Variants in WDR6 observed in about 807,000 individuals in gnomAD.
WDR6 encodes the protein WD repeat domain 6.
In WDR6, 58 loss-of-function variants were observed where a neutral mutation model predicts 85.6. The observed-to-expected ratio is 0.68, with a 90% CI of 0.55 to 0.84. WDR6 has a LOEUF of 0.84. WDR6 is among the 40% of genes least tolerant of loss of function. The probability of loss-of-function intolerance (pLI) is 0.00; values close to 1 mark genes in which losing one functional copy is unlikely to be tolerated. For synonymous variants in WDR6, 569 were observed against 582.2 expected (o/e 0.98, Z 0.33); for missense variants, 1,310 against 1,476.4 (o/e 0.89, Z 1.85).
chr3:49,012,345 C>G lies in WDR6; in HGVS notation c.811C>G (p.Leu271Val), dbSNP rs1174577216. 1.9e-6 allele frequency: 3 copies of G among 1,614,104 alleles called. No homozygotes were observed. The African/African-American group carries it at 4.0e-5, about 22-fold the overall frequency. Reference sequence around the variant, plus strand: ...GCAGGTCAAGCTTCTAGAGAATTACCTTATCAGTGCAGGAGAGGATTGTGT... The same window carrying G: ...GCAGGTCAAGCTTCTAGAGAATTACGTTATCAGTGCAGGAGAGGATTGTGT... ...VWQVKLLENY[L>V]ISAGEDCVCL... Residue 271 changes from leucine to valine, a missense_variant, in exon 2 of 6, where the codon CTT becomes GTT. Leu to Val is a conservative substitution (Grantham distance 32). Transcript: ENST00000608424. The surrounding 1 kb of genome is among the most constrained non-coding windows in gnomAD (Gnocchi z 4.4).
At position 49,013,859 on chromosome 3, in the gene WDR6, C is replaced by T. The variant is rs1351446898; in HGVS notation, c.2325C>T (p.Ser775=). 1 of 1,614,110 alleles carries T rather than the reference C, an allele frequency of 6.2e-7. No homozygotes were observed. The highest frequency in any genetic ancestry group is 1.1e-5 in the South Asian group (1 of 91,080). ...TCACAGCTGTTTGTAACCATATCTC[C>T]TCGGTACGTGCTGTGGCTGTGTGGG... ...HALTAVCNHI[S]SVRAVAVWGI... Residue 775 remains serine (S), a synonymous_variant, in exon 2 of 6, where the codon TCC becomes TCT. Transcript: ENST00000608424. The surrounding 1 kb of genome is among the most constrained non-coding windows in gnomAD (Gnocchi z 4.6).
At position 49,014,994 on chromosome 3, in the gene WDR6, A is replaced by G. The variant is rs201236008; in HGVS notation, c.3072A>G (p.Gly1024=). ...VEMLQLEEAV[G]EAGLVPQLRV... ...TGCTACAGCTAGAAGAGGCTGTGGG[A>G]GAGGCTGGGCTGGTACCCCAGCTGC... Residue 1024 remains glycine, a synonymous_variant, in exon 6 of 6, where the codon GGA becomes GGG. Coordinates refer to ENST00000608424, the MANE Select transcript of WDR6 (RefSeq NM_018031.6). This position sits in a 1 kb window ranked among gnomAD's most constrained non-coding sequence, Gnocchi z 4.9. The G allele has an allele frequency of 6.2e-7, 1 of 1,614,138 alleles. No homozygotes were observed. The highest frequency in any genetic ancestry group is 2.2e-5 in the East Asian group (1 of 44,880).
chr3:49,011,671 T>C lies in WDR6; in HGVS notation c.137T>C (p.Phe46Ser), dbSNP rs750017806. The change falls in exon 2 of 6, where the codon TTT becomes TCT. Residue 46 changes from phenylalanine to serine, a missense_variant. Physicochemically the swap from Phe to Ser is radical, Grantham distance 155. Transcript: ENST00000608424. ...GPDVLVYSLD[F>S]GGHLRMIKRV... ...GATGTCCTGGTGTACAGCTTGGACT[T>C]TGGTGGGCATCTGCGGATGATAAAG... 29 of 1,614,132 alleles carry C rather than the reference T, an allele frequency of 1.8e-5. No homozygotes were observed. The East Asian group carries it at 6.5e-4, about 36-fold the overall frequency.
rs751208817 is a variant in WDR6 at position 49,015,132 on chromosome 3, C to T, written c.3210C>T (p.Phe1070=). 2.0e-5 allele frequency: 33 copies of T among 1,613,888 alleles called. 1 individual carries two copies. In the South Asian group the frequency reaches 3.3e-4, roughly 16 times the overall value. Residue 1070 remains phenylalanine, a synonymous_variant, in exon 6 of 6, where the codon TTC becomes TTT. Transcript: ENST00000608424. ...CCTCCATTGATCAACGGCTGACCTT[C>T]TGGCGTCTGGGGCATGGTGAACCCA... ...VSASIDQRLT[F]WRLGHGEPTF...
In WDR6 at chr3:49,014,061, T is replaced by C; in HGVS notation, c.2527T>C (p.Tyr843His). ...MHLSSHRLDEYWDRQRNRHRM... is the reference protein window; with the variant it reads ...MHLSSHRLDEHWDRQRNRHRM... ...CCTTTCGTCCCACCGGCTAGATGAG[T>C]ATTGGGACCGGCAACGCAATCGGCA... Residue 843 changes from tyrosine (Y) to histidine (H), a missense_variant, in exon 2 of 6, where the codon TAT becomes CAT. Tyr to His is a moderately conservative substitution (Grantham distance 83). Transcript: ENST00000608424. The surrounding 1 kb of genome is among the most constrained non-coding windows in gnomAD (Gnocchi z 4.9). 6.2e-7 allele frequency: 1 copy of C among 1,612,850 alleles called. No homozygotes were observed.
At chr3:49,011,394 C>CTTTTTTTTT in intron 1 of WDR6, 1 of 1,147,126 alleles carries the variant, frequency 8.7e-7, no homozygotes, top group Non-Finnish European at 1.2e-6. Context: ...CAAGGATTTT[C>CTTTTTTTTT]TTTTTTTTTT....
Position 49,013,126 on chromosome 3 carries a change from G to C in WDR6, c.1592G>C (p.Gly531Ala). 1 of 1,608,154 alleles carries C rather than the reference G, an allele frequency of 6.2e-7. No individual in the cohort carries two copies. The highest frequency in any genetic ancestry group is 8.5e-7 in the Non-Finnish European group (1 of 1,176,030). Reference protein sequence around the residue: ...RPGLLKDPGVGGKARAGAGAP... With the variant: ...RPGLLKDPGVAGKARAGAGAP... ...GGTCTGCTCAAGGACCCTGGGGTGG[G>C]AGGCAAGGCTCGGGCTGGTGCTGGG... The change falls in exon 2 of 6, where the codon GGA becomes GCA. Residue 531 changes from glycine (G) to alanine (A), a missense_variant. By Grantham distance (60) the Gly-to-Ala change is moderately conservative. Coordinates refer to ENST00000608424, the MANE Select transcript of WDR6 (RefSeq NM_018031.6). The surrounding 1 kb of genome is among the most constrained non-coding windows in gnomAD (Gnocchi z 4.6).
rs1342733946 is a variant in WDR6, at chr3:49,014,013, C to T, written c.2479C>T (p.Arg827Cys). The T allele has an allele frequency of 9.3e-6, 15 of 1,611,766 alleles. No individual in the cohort carries two copies. The highest frequency in any genetic ancestry group is 2.2e-5 in the East Asian group (1 of 44,898). ...TACTCCGGACCCCAGCACCCCAAGCCGCCTCGCCTGCCATGTCATGCACCT... is the reference window on the plus strand; with the variant it reads ...TACTCCGGACCCCAGCACCCCAAGCTGCCTCGCCTGCCATGTCATGCACCT... Reference protein sequence around the residue: ...MVTPDPSTPSRLACHVMHLSS... With the variant: ...MVTPDPSTPSCLACHVMHLSS... Residue 827 changes from arginine to cysteine, a missense_variant, in exon 2 of 6, where the codon CGC becomes TGC. Transcript: ENST00000608424. The surrounding 1 kb of genome is among the most constrained non-coding windows in gnomAD (Gnocchi z 4.9).
chr3:49,012,997 C>A lies in WDR6; in HGVS notation c.1463C>A (p.Pro488Gln), dbSNP rs771345444. Reference protein sequence around the residue: ...VKERCRYLLPPSKQRWHTCSA... With the variant: ...VKERCRYLLPQSKQRWHTCSA... ...GAACGTTGTCGGTACCTGCTGCCCC[C>A]AAGCAAGCAGAGATGGCACACATGC... The change falls in exon 2 of 6, where the codon CCA becomes CAA. Residue 488 changes from proline to glutamine, a missense_variant. Pro to Gln is a moderately conservative substitution (Grantham distance 76). Coordinates refer to ENST00000608424, the MANE Select transcript of WDR6 (RefSeq NM_018031.6). The surrounding 1 kb of genome is among the most constrained non-coding windows in gnomAD (Gnocchi z 4.4). 1.9e-6 allele frequency: 3 copies of A among 1,613,702 alleles called. No individual in the cohort carries two copies. In the Admixed American group the frequency reaches 5.0e-5, roughly 27 times the overall value.
chr3:49,015,803 C>T lies in WDR6; in HGVS notation c.*515C>T. The T allele has an allele frequency of 1.2e-6, 2 of 1,613,892 alleles. No individual in the cohort carries two copies. The highest frequency in any genetic ancestry group is 1.7e-6 in the Non-Finnish European group (2 of 1,179,818). On this transcript the variant is annotated 3_prime_UTR_variant, in exon 6 of 6. Coordinates refer to ENST00000608424, the MANE Select transcript of WDR6 (RefSeq NM_018031.6). Reference sequence around the variant, plus strand: ...CCCACCCCATTTTGCTGTGTGCTCACCCCCAGGATGTGTACCCGGTTGTAG... The same window carrying T: ...CCCACCCCATTTTGCTGTGTGCTCATCCCCAGGATGTGTACCCGGTTGTAG...
At chr3:49,010,436 C>T (rs2093008328) in intron 1 of WDR6, among the ~76,000 whole-genome samples, 3 of 151,410 alleles carry the variant, frequency 2.0e-5, no homozygotes, top group Non-Finnish European at 4.4e-5. Context: ...GATGAGGGGG[C>T]CGGGCACAAT....
Position 49,015,945 on chromosome 3 carries a change from TAG to T in WDR6, c.*660_*661del, listed in dbSNP as rs777643550. On this transcript the variant is annotated 3_prime_UTR_variant, in exon 6 of 6. Transcript: ENST00000608424. Reference sequence around the variant, plus strand: ...CCAGGCCAGAATAAAGAATAGAGTGTAGAGTGTCCTGGTTGTCTATGCCTCAC... The same window carrying T: ...CCAGGCCAGAATAAAGAATAGAGTGTAGTGTCCTGGTTGTCTATGCCTCAC... 1.2e-6 allele frequency: 2 copies of T among 1,614,176 alleles called. No homozygotes were observed. Among genetic ancestry groups the T allele is most frequent in the Non-Finnish European group, 1.7e-6 (2 of 1,180,032 alleles).
intron 1 of WDR6, chr3:49,008,164 C>T (rs1421525508): frequency 6.6e-6 from 1 of 152,444 alleles, no homozygotes; most frequent in African/African-American, 2.4e-5. Flanking sequence ...GGCTGAGACC[C>T]CCTCCTGAGA....
chr3:49,014,002 G>T lies in WDR6; in HGVS notation c.2468G>T (p.Ser823Ile), dbSNP rs1261569562. 2 of 1,611,746 alleles carry T rather than the reference G, an allele frequency of 1.2e-6. No individual in the cohort carries two copies. Among genetic ancestry groups the T allele is most frequent in the Non-Finnish European group, 1.7e-6 (2 of 1,179,988 alleles). Residue 823 changes from serine (S) to isoleucine (I), a missense_variant, in exon 2 of 6, where the codon AGC becomes ATC. By Grantham distance (142) the Ser-to-Ile change is moderately radical. Transcript: ENST00000608424. The surrounding 1 kb of genome is among the most constrained non-coding windows in gnomAD (Gnocchi z 4.9). ...CFSIMVTPDP[S>I]TPSRLACHVM... Reference sequence around the variant, plus strand: ...AGCATCATGGTTACTCCGGACCCCAGCACCCCAAGCCGCCTCGCCTGCCAT... The same window carrying T: ...AGCATCATGGTTACTCCGGACCCCATCACCCCAAGCCGCCTCGCCTGCCAT...
Position 49,015,149 on chromosome 3 carries a change from G to A in WDR6, c.3227G>A (p.Gly1076Asp). ...CTGACCTTCTGGCGTCTGGGGCATG[G>A]TGAACCCACCTTCATGAATAGCACT... is the stretch of plus-strand genomic sequence containing the variant. The part of the protein sequence containing the change: ...QRLTFWRLGH[G>D]EPTFMNSTVF... Residue 1076 changes from glycine (G) to aspartate (D), a missense_variant, in exon 6 of 6, where the codon GGT (glycine) becomes GAT (aspartate). Coordinates refer to ENST00000608424, the MANE Select transcript of WDR6 (RefSeq NM_018031.6). 1 of 1,613,906 alleles carries A rather than the reference G, an allele frequency of 6.2e-7. No homozygotes were observed. The highest frequency in any genetic ancestry group is 1.3e-5 in the African/African-American group (1 of 75,054).
chr3:49,011,852 G>C lies in WDR6; in HGVS notation c.318G>C (p.Glu106Asp). 3 of 1,614,254 alleles carry C rather than the reference G, an allele frequency of 1.9e-6. No homozygotes were observed. In the South Asian group the frequency reaches 3.3e-5, roughly 18 times the overall value. Residue 106 changes from glutamate (E) to aspartate (D), a missense_variant, in exon 2 of 6, where the codon GAG becomes GAC. Transcript: ENST00000608424. ...KISWGQGHFW[E>D]LWRSGLWNMS... ...GCTGGGGACAGGGCCACTTCTGGGA[G>C]CTTTGGCGCTCTGGCCTGTGGAACA...
rs538215497 is a variant in WDR6, at chr3:49,015,926, C to T, written c.*638C>T. On this transcript the variant is annotated 3_prime_UTR_variant, in exon 6 of 6. Transcript: ENST00000608424. ...ATCTCTTTGCTCTTGTGCCCCAGGC[C>T]AGAATAAAGAATAGAGTGTAGAGTG... The T allele has an allele frequency of 6.2e-7, 1 of 1,614,166 alleles. No homozygotes were observed. Among genetic ancestry groups the T allele is most frequent in the African/African-American group, 1.3e-5 (1 of 75,034 alleles).
rs181149386 is a variant in WDR6, at chr3:49,015,161, T to C, written c.3239T>C (p.Phe1080Ser). The change falls in exon 6 of 6, where the codon TTC (phenylalanine) becomes TCC (serine). Residue 1080 changes from phenylalanine (F) to serine (S), a missense_variant. Physicochemically the swap from Phe to Ser is radical, Grantham distance 155 (BLOSUM62 -2). Transcript: ENST00000608424. ...FWRLGHGEPT[F>S]MNSTVFHVPD... is the part of the protein sequence containing the mutation. Reference sequence around the variant, plus strand: ...CGTCTGGGGCATGGTGAACCCACCTTCATGAATAGCACTGTGTTCCATGTG... The same window carrying C: ...CGTCTGGGGCATGGTGAACCCACCTCCATGAATAGCACTGTGTTCCATGTG... 1.3e-4 allele frequency: 205 copies of C among 1,613,966 alleles called. 1 individual carries two copies. The highest frequency in any genetic ancestry group is 1.3e-4 in the Non-Finnish European group (152 of 1,180,036).
In WDR6 at chr3:49,015,567, G is replaced by C; in HGVS notation, c.*279G>C. The C allele has an allele frequency of 6.2e-7, 1 of 1,611,494 alleles. No homozygotes were observed. The highest frequency in any genetic ancestry group is 8.5e-7 in the Non-Finnish European group (1 of 1,179,116). On this transcript the variant is annotated 3_prime_UTR_variant, in exon 6 of 6. Transcript: ENST00000608424. The stretch of plus-strand genomic sequence containing the variant: ...GTTGATGACTTTGTGAACATTCCCA[G>C]GTATTGGAGCCTCTGTGGCCTTAAA...
Sources: allele counts gnomAD v4.1 joint callset (sites outside exome capture counted in the v4.1 genomes callset), GRCh38; gene constraint gnomAD v4.1.1; non-coding constraint Gnocchi (gnomAD v3.1); transcripts MANE v1.5; gene names NCBI Gene and HGNC (gene_info 2026-07-23, HGNC 2026-07-21).